Variants in COL5A1 observed in about 807,000 individuals in gnomAD.
COL5A1 encodes collagen alpha-1(V) chain.
Under a neutral mutation model 263.7 loss-of-function variants are expected in COL5A1, and 16 were observed. The observed-to-expected ratio is 0.06, with a 90% CI of 0.04 to 0.09. The LOEUF is 0.09. COL5A1 is among the 10% of genes least tolerant of loss of function. The probability of loss-of-function intolerance (pLI) is 1.00; values close to 1 mark genes in which losing one functional copy is unlikely to be tolerated. For missense variants in COL5A1, 2,036 were observed against 2,540.5 expected (o/e 0.80, Z 4.27); for synonymous variants, 1,012 against 1,004.5 (o/e 1.01, Z -0.14).
chr9:134,843,966 G>C lies in COL5A1; in HGVS notation c.*1663G>C, dbSNP rs1303112364. ...CATCGAGGTCGGGGGGCTGCCGTCT[G>C]TGGGCAGGAGGACCCGAGGGGCAGC... On this transcript the variant is annotated 3_prime_UTR_variant, in exon 66 of 66. Coordinates refer to ENST00000371817, the MANE Select transcript of COL5A1 (RefSeq NM_000093.5). The C allele has an allele frequency of 2.0e-5, 3 of 152,280 alleles. No homozygotes were observed. 9.4% of individuals were successfully genotyped at this position (152,280 alleles called of 1,614,324 possible).
chr9:134,753,765 T>G (rs1247571644), intron 14 of COL5A1, 85 bp from the exon 15 acceptor site: 49 of 485,730 alleles, frequency 1.0e-4, no homozygotes, highest in Middle Eastern at 1.3e-3. Flanking sequence ...CCCCTCCCCC[T>G]GCCCCTCCCC....
chr9:134,812,601 C>G lies in COL5A1; in HGVS notation c.3745-4C>G, dbSNP rs1207350962. ...TGGGCTCAGTGGTCTCTCCCTTTTC[C>G]TAGGGCCCCCCGGGTCCCCCTGGCC... On this transcript the variant is annotated splice_polypyrimidine_tract_variant and splice_region_variant and intron_variant, in intron 47 of 65. Coordinates refer to ENST00000371817, the MANE Select transcript of COL5A1 (RefSeq NM_000093.5). 4 of 1,608,280 alleles carry G rather than the reference C, an allele frequency of 2.5e-6. No homozygotes were observed. In the African/African-American group the frequency reaches 5.3e-5, roughly 21 times the overall value.
intron 2 of COL5A1, among the ~76,000 whole-genome samples, chr9:134,695,800 T>C (rs1038589825): frequency 4.6e-5 from 7 of 152,154 alleles, no homozygotes; most frequent in Non-Finnish European, 8.8e-5. Flanking sequence ...TGCAGTAAGT[T>C]TGGGTCCAGG....
intron 4 of COL5A1, among the ~76,000 whole-genome samples, chr9:134,710,708 G>A (rs1834005857): frequency 1.4e-5 from 2 of 138,368 alleles, no homozygotes; most frequent in South Asian, 4.9e-4. Context: ...ATTTAGTGCA[G>A]TGGTGGGGGA....
intron 5 of COL5A1, among the ~76,000 whole-genome samples, chr9:134,728,191 C>T (rs1834728275): frequency 6.6e-6 from 1 of 152,256 alleles, no homozygotes; most frequent in Non-Finnish European, 1.5e-5. Flanking sequence ...GTCCCTGCTG[C>T]CCCGGCCTCC....
At chr9:134,658,165 C>T (rs1463201580) in intron 1 of COL5A1, among the ~76,000 whole-genome samples, 1 of 152,030 alleles carries the variant, frequency 6.6e-6, no homozygotes, top group Non-Finnish European at 1.5e-5. Context: ...GCTTTCTGCC[C>T]AGGGCAGGCT....
chr9:134,673,665 T>C (rs970789958), intron 1 of COL5A1, among the ~76,000 whole-genome samples: 1 of 152,152 alleles, frequency 6.6e-6, no homozygotes, highest in South Asian at 2.1e-4. Context: ...GGCAAAGATT[T>C]CTTAGATAGG....
At chr9:134,779,356 A>G (rs1163648049) in intron 27 of COL5A1, among the ~76,000 whole-genome samples, 2 of 152,232 alleles carry the variant, frequency 1.3e-5, no homozygotes, top group Non-Finnish European at 1.5e-5. Context: ...TCAGAGAAAT[A>G]GTCCTGGGCC....
In COL5A1 at chr9:134,684,418, C is replaced by T. The variant is rs536589938; in HGVS notation, c.110-6494C>T. ...CACCTGGCTGCCAGCATTCATCCTT[C>T]TCAGCAGGTCTGTGAGCCTCAGGCC... On this transcript the variant is annotated intron_variant, in intron 1 of 65. Coordinates refer to ENST00000371817, the MANE Select transcript of COL5A1 (RefSeq NM_000093.5). Among the ~76,000 whole-genome samples, 6 of 152,352 alleles carry T rather than the reference C, an allele frequency of 3.9e-5. No individual in the cohort carries two copies. In the East Asian group the frequency reaches 1.2e-3, roughly 29 times the overall value.
At chr9:134,707,003 A>G (rs561306952) in intron 4 of COL5A1, among the ~76,000 whole-genome samples, 1 of 152,290 alleles carries the variant, frequency 6.6e-6, no homozygotes, top group African/African-American at 2.4e-5. Flanking sequence ...GCACCTCTCT[A>G]GAGTCTCACC....
chr9:134,812,306 G>A lies in COL5A1; in HGVS notation c.3691-143G>A, dbSNP rs529601049. 70 of 785,104 alleles carry A rather than the reference G, an allele frequency of 8.9e-5. 1 individual carries two copies. Among genetic ancestry groups the A allele is most frequent in the Non-Finnish European group, 1.3e-4 (57 of 448,594 alleles). 48.6% of individuals were successfully genotyped at this position (785,104 alleles called of 1,614,324 possible). On this transcript the variant is annotated intron_variant, in intron 46 of 65. Coordinates refer to ENST00000371817, the MANE Select transcript of COL5A1 (RefSeq NM_000093.5). Reference sequence around the variant, plus strand: ...AGACTGGGAACCCCGGGACGTCCTCGTGGGTAGCTATGCACAGAGAAGCAC... The same window carrying A: ...AGACTGGGAACCCCGGGACGTCCTCATGGGTAGCTATGCACAGAGAAGCAC...
In COL5A1 at chr9:134,806,193, C is replaced by T. The variant is rs1383949759; in HGVS notation, c.3263C>T (p.Ser1088Phe). Residue 1088 changes from serine to phenylalanine, a missense_variant, in exon 42 of 66, where the codon TCT (serine) becomes TTT (phenylalanine). By Grantham distance (155) the Ser-to-Phe change is radical (BLOSUM62 -2). Transcript: ENST00000371817. ...TGTTTTCTTGCTCCACCTCAGGGAT[C>T]TCCAGGGGAGAGAGGTCCAGCTGGA... ...GPPGPPGPAGSPGERGPAGAA... is the reference protein window; with the variant it reads ...GPPGPPGPAGFPGERGPAGAA... 6.4e-7 allele frequency: 1 copy of T among 1,550,428 alleles called. No individual in the cohort carries two copies. The highest frequency in any genetic ancestry group is 1.2e-5 in the South Asian group (1 of 84,038).
chr9:134,817,768 C>T lies in COL5A1; in HGVS notation c.4177-10C>T. 3.1e-6 allele frequency: 5 copies of T among 1,611,648 alleles called. No homozygotes were observed. Among genetic ancestry groups the T allele is most frequent in the Non-Finnish European group, 3.4e-6 (4 of 1,179,000 alleles). Reference sequence around the variant, plus strand: ...ACACTCACCACCTGCTGTTCTCTTGCTTCTTTCAGGGTCCCCCAGGCCCCG... The same window carrying T: ...ACACTCACCACCTGCTGTTCTCTTGTTTCTTTCAGGGTCCCCCAGGCCCCG... On this transcript the variant is annotated splice_polypyrimidine_tract_variant and intron_variant, in intron 53 of 65. Coordinates refer to ENST00000371817, the MANE Select transcript of COL5A1 (RefSeq NM_000093.5).
chr9:134,723,146 A>G (rs745840330), intron 4 of COL5A1, among the ~76,000 whole-genome samples: 76 of 152,280 alleles, frequency 5.0e-4, no homozygotes, highest in Non-Finnish European at 9.9e-4. Context: ...TCAGCCCAGC[A>G]GATGCCCCAG....
In COL5A1 at chr9:134,642,585, G is replaced by C. The variant is rs2132455836; in HGVS notation, c.109+289G>C. Among the ~76,000 whole-genome samples, 1 of 152,336 alleles carries C rather than the reference G, an allele frequency of 6.6e-6. No homozygotes were observed. The highest frequency in any genetic ancestry group is 2.4e-5 in the African/African-American group (1 of 41,592). On this transcript the variant is annotated intron_variant, in intron 1 of 65. Transcript: ENST00000371817. The surrounding 1 kb of genome is among the most constrained non-coding windows in gnomAD (Gnocchi z 4.5). The stretch of plus-strand genomic sequence containing the variant: ...ATCAGCAGGAGGGGTTGTCCACGAG[G>C]CGGGCAAACTTTTGTCCCAAAAACC...
chr9:134,653,868 G>T (rs1260839022), intron 1 of COL5A1, among the ~76,000 whole-genome samples: 6 of 151,506 alleles, frequency 4.0e-5, no homozygotes, highest in African/African-American at 9.7e-5. Context: ...GTAGGGCCAG[G>T]CATCTGTAGG....
chr9:134,803,967 C>T lies in COL5A1; in HGVS notation c.3114+972C>T, dbSNP rs534715183. On this transcript the variant is annotated intron_variant, in intron 39 of 65. Coordinates refer to ENST00000371817, the MANE Select transcript of COL5A1 (RefSeq NM_000093.5). ...ACTGCCCCCTTTTCATATCTCCTCC[C>T]CTGGGCGCCCCAGGTTCACTGGCCA... Among the ~76,000 whole-genome samples the T allele has an allele frequency of 1.1e-4, 16 of 152,298 alleles. No individual in the cohort carries two copies. The East Asian group carries it at 3.1e-3, about 29-fold the overall frequency.
chr9:134,773,545 G>A (rs1836942513), intron 26 of COL5A1, among the ~76,000 whole-genome samples: 1 of 152,248 alleles, frequency 6.6e-6, no homozygotes, highest in Admixed American at 6.5e-5. Context: ...GGGGCTGAGG[G>A]CAGAGGCCCA....
intron 36 of COL5A1, 84 bp from the exon 37 acceptor site, chr9:134,798,324 C>A: frequency 7.9e-7 from 1 of 1,258,866 alleles, no homozygotes; most frequent in Non-Finnish European, 1.2e-6. Flanking sequence ...ATGGAAATAA[C>A]GGTCACTCCA....
Sources: gnomAD v4.1 joint callset for allele counts (sites outside exome capture counted in the v4.1 genomes callset) on GRCh38, gnomAD v4.1.1 for gene constraint, Gnocchi (gnomAD v3.1) non-coding constraint, MANE v1.5 for transcripts, NCBI Gene and HGNC (gene_info 2026-07-23, HGNC 2026-07-21) for gene names.